Variants in AEBP2 observed in about 807,000 individuals in gnomAD.
AEBP2 encodes AE binding protein 2.
A neutral mutation model predicts 50.8 loss-of-function variants in AEBP2; 10 were observed. The ratio of observed to expected loss-of-function variants is 0.20; its 90% CI spans 0.12 to 0.33. AEBP2 has a LOEUF of 0.33. AEBP2 is among the 10% of genes least tolerant of loss of function. The pLI, the probability that AEBP2 is intolerant of heterozygous loss-of-function variation, is 1.00. For synonymous variants in AEBP2, 296 were observed against 261.3 expected, an observed-to-expected ratio of 1.13 and a Z score of -1.28; for missense variants, 570 against 688.0, an observed-to-expected ratio of 0.83 and a Z score of 1.92.
chr12:19,458,530 C>T (rs981723323), intron 1 of AEBP2, among the ~76,000 whole-genome samples: 2 of 152,128 alleles, frequency 1.3e-5, no homozygotes, highest in Non-Finnish European at 2.9e-5. Flanking sequence ...GAGCTATATC[C>T]ACATGAAGTA....
intron 5 of AEBP2, among the ~76,000 whole-genome samples, chr12:19,502,279 G>T (rs1039462924): frequency 6.6e-6 from 1 of 151,882 alleles, no homozygotes. Flanking sequence ...GATTACAGGT[G>T]CATGCCACCA....
At chr12:19,445,910 A>G (rs1173221629) in intron 1 of AEBP2, 1 of 151,938 alleles carries the variant, frequency 6.6e-6, no homozygotes, top group Non-Finnish European at 1.5e-5. Context: ...TTTTTTTTGG[A>G]CGATAACTAG....
At chr12:19,412,403 G>A (rs1243054546) in intron 1 of AEBP2, among the ~76,000 whole-genome samples, 4 of 151,574 alleles carry the variant, frequency 2.6e-5, no homozygotes, top group African/African-American at 4.8e-5. Context: ...TCAGCCTCCC[G>A]AGTAGCTGGG....
chr12:19,481,029 A>G (rs1948720581), intron 3 of AEBP2, among the ~76,000 whole-genome samples: 1 of 150,524 alleles, frequency 6.6e-6, no homozygotes, highest in East Asian at 1.9e-4. Context: ...GGTTATTTCG[A>G]AAGCCTTGTC....
Position 19,445,303 on chromosome 12 carries a change from A to G in AEBP2, c.671+4933A>G, listed in dbSNP as rs151191094. ...AGCCTCTGCCTCCCGGGTTCAAGCA[A>G]TTCTCCTGCCTCAGCCTCCTGAGTA... On this transcript the variant is annotated intron_variant, in intron 1 of 7. Transcript: ENST00000266508. Among the ~76,000 whole-genome samples the G allele has an allele frequency of 8.6e-3, 1,297 of 151,470 alleles. 21 individuals carry two copies. The highest frequency in any genetic ancestry group is 0.03 in the African/African-American group (1,234 of 41,188).
In AEBP2 at chr12:19,440,271, C is replaced by G; in HGVS notation, c.572C>G (p.Thr191Ser). The G allele has an allele frequency of 6.8e-7, 1 of 1,465,750 alleles. No homozygotes were observed. The highest frequency in any genetic ancestry group is 8.9e-7 in the Non-Finnish European group (1 of 1,117,956). The allele number at this position is 1,465,750 out of a possible 1,614,324, so 90.8% of individuals were successfully genotyped here. A position where few individuals can be genotyped will look rare whatever the true frequency, so the allele number is the denominator to read the frequency against. ...VSSGGDEGYG[T>S]GGGGSSATSG... is the part of the protein sequence containing the mutation. ...AGCGGCGGCGACGAGGGCTACGGGA[C>G]TGGGGGAGGCGGAAGCAGCGCGACC... Residue 191 changes from threonine to serine, a missense_variant, in exon 1 of 8, where the codon ACT becomes AGT. Physicochemically the swap from Thr to Ser is moderately conservative, Grantham distance 58. Coordinates refer to ENST00000266508, the MANE Select transcript of AEBP2 (RefSeq NM_153207.5).
At chr12:19,459,330 C>T (rs918959493) in intron 1 of AEBP2, among the ~76,000 whole-genome samples, 1 of 151,992 alleles carries the variant, frequency 6.6e-6, no homozygotes, top group African/African-American at 2.4e-5. Flanking sequence ...CTCCTGGGTT[C>T]ATGCCATTCT....
intron 1 of AEBP2, among the ~76,000 whole-genome samples, chr12:19,407,916 T>C (rs1008646154): frequency 3.3e-5 from 5 of 151,868 alleles, no homozygotes; most frequent in Non-Finnish European, 1.5e-5. Context: ...CCCGGCTAGG[T>C]GGTGCATGCC....
At position 19,519,001 on chromosome 12, in the gene AEBP2, A is replaced by C. The variant is rs563785481; in HGVS notation, c.*884A>C. 4.8e-6 allele frequency: 1 copy of C among 210,372 alleles called. No homozygotes were observed. Among genetic ancestry groups the C allele is most frequent in the South Asian group, 1.9e-4 (1 of 5,398 alleles). The allele number at this position is 210,372 out of a possible 1,614,324, so 13.0% of individuals were successfully genotyped here. ...TGAGTTGTTTTTTCTTAATGTAAGAAAAATTGTATTTTTTTTACAAGTATC... is the reference window on the plus strand; with the variant it reads ...TGAGTTGTTTTTTCTTAATGTAAGACAAATTGTATTTTTTTTACAAGTATC... On this transcript the variant is annotated 3_prime_UTR_variant, in exon 8 of 8. Coordinates refer to ENST00000266508, the MANE Select transcript of AEBP2 (RefSeq NM_153207.5).
chr12:19,515,225 G>A lies in AEBP2; in HGVS notation c.1481+441G>A, dbSNP rs1162261682. Among the ~76,000 whole-genome samples, 5 of 152,192 alleles carry A rather than the reference G, an allele frequency of 3.3e-5. No homozygotes were observed. In the East Asian group the frequency reaches 9.6e-4, roughly 29 times the overall value. Reference sequence around the variant, plus strand: ...AATATTATTTGTTTTTTAAGACATAGCTTAGAGTGTTCACATTTCTAGTAA... The same window carrying A: ...AATATTATTTGTTTTTTAAGACATAACTTAGAGTGTTCACATTTCTAGTAA... On this transcript the variant is annotated intron_variant, in intron 7 of 7. Coordinates refer to ENST00000266508, the MANE Select transcript of AEBP2 (RefSeq NM_153207.5).
intron 1 of AEBP2, among the ~76,000 whole-genome samples, chr12:19,415,343 AAAAAAAAATATATAT>A (rs2095741837): frequency 2.0e-4 from 8 of 40,408 alleles, no homozygotes; most frequent in Non-Finnish European, 3.5e-4. Flanking sequence ...AAAAAAAAAA[AAAAAAAAATATATAT>A]ATATATATAT....
chr12:19,419,791 G>C (rs1317463824), intron 1 of AEBP2, among the ~76,000 whole-genome samples: 1 of 150,964 alleles, frequency 6.6e-6, no homozygotes, highest in Non-Finnish European at 1.5e-5. Context: ...TTAGCCGGGC[G>C]TGGTGGTGTG....
At chr12:19,405,078 G>A (rs1172603758) in intron 1 of AEBP2, among the ~76,000 whole-genome samples, 1 of 151,226 alleles carries the variant, frequency 6.6e-6, no homozygotes, top group Non-Finnish European at 1.5e-5. Flanking sequence ...TGGGACTACA[G>A]GCATGCCCCA....
At chr12:19,495,375 C>CT (rs1948960741) in intron 4 of AEBP2, among the ~76,000 whole-genome samples, 1 of 152,206 alleles carries the variant, frequency 6.6e-6, no homozygotes, top group South Asian at 2.1e-4. Flanking sequence ...ACTCCAGACA[C>CT]TAATTCCAGA....
chr12:19,481,877 G>A (rs1948735565), intron 3 of AEBP2, among the ~76,000 whole-genome samples: 2 of 152,122 alleles, frequency 1.3e-5, no homozygotes, highest in Admixed American at 1.3e-4. Context: ...TTTTTCATCC[G>A]TATCCTGTAT....
chr12:19,441,145 A>G (rs1947951720), intron 1 of AEBP2, among the ~76,000 whole-genome samples: 1 of 152,212 alleles, frequency 6.6e-6, no homozygotes, highest in Admixed American at 6.5e-5. Flanking sequence ...ATGTTTCAAC[A>G]TGAGAGTCAT....
chr12:19,444,982 C>A (rs904022468), intron 1 of AEBP2, among the ~76,000 whole-genome samples: 2 of 151,804 alleles, frequency 1.3e-5, no homozygotes, highest in African/African-American at 2.4e-5. Context: ...GCAGCCTCTG[C>A]CTCCTGAGTA....
chr12:19,413,242 C>A, intron 1 of AEBP2: 3 of 917,852 alleles, frequency 3.3e-6, no homozygotes, highest in Non-Finnish European at 5.5e-6. Flanking sequence ...ATCAGTCGGC[C>A]GGGCCAGGTT....
chr12:19,412,628 C>A (rs1304363187), intron 1 of AEBP2, among the ~76,000 whole-genome samples: 1 of 151,892 alleles, frequency 6.6e-6, no homozygotes, highest in East Asian at 1.9e-4. Context: ...GAGACAGAAT[C>A]TCACTATGTT....
Sources: gnomAD v4.1 joint callset for allele counts (sites outside exome capture counted in the v4.1 genomes callset) on GRCh38, gnomAD v4.1.1 for gene constraint, MANE v1.5 for transcripts, NCBI Gene and HGNC (gene_info 2026-07-23, HGNC 2026-07-21) for gene names.